NREP: variants seen among roughly 807,000 people sequenced by gnomAD.
NREP encodes the protein neuronal regeneration-related protein.
A neutral mutation model predicts 8.6 loss-of-function variants in NREP; 5 were observed. The observed-to-expected ratio is 0.58, with a 90% confidence interval of 0.30 to 1.22. The LOEUF (loss-of-function observed/expected upper bound fraction) is 1.22, where lower values mean the gene tolerates loss of function less well. NREP is among the 50% of genes most tolerant of loss of function. The pLI is 0.07. For missense variants in NREP, 86 were observed against 82.5 expected, an observed-to-expected ratio of 1.04 and a Z score of -0.17; for synonymous variants, 27 against 28.0, an observed-to-expected ratio of 0.96 and a Z score of 0.11.
chr5:111,955,040 T>C (rs1383868732), intron 2 of NREP, among the ~76,000 whole-genome samples: 3 of 152,180 alleles, frequency 2.0e-5, no homozygotes, highest in Non-Finnish European at 4.4e-5. Flanking sequence ...AATTTTCTAG[T>C]GGGCCTGGTT....
intron 2 of NREP, among the ~76,000 whole-genome samples, chr5:111,871,419 C>G (rs1753788204): frequency 6.6e-6 from 1 of 152,116 alleles, no homozygotes; most frequent in African/African-American, 2.4e-5. Context: ...CTGGGTGAGT[C>G]AGTGAGTGAG....
upstream of NREP, chr5:111,757,754 A>AT (rs201898038): frequency 0.03 from 29,542 of 982,944 alleles, 534 homozygotes; most frequent in Middle Eastern, 0.033. Flanking sequence ...GCGCGCGCAA[A>AT]TCCCCGGCCT....
At chr5:111,852,274 T>C (rs1753328734) in intron 2 of NREP, among the ~76,000 whole-genome samples, 1 of 116,794 alleles carries the variant, frequency 8.6e-6, no homozygotes, top group Non-Finnish European at 2.3e-5. Context: ...TTCACATGTA[T>C]AGTCTATTTT....
intron 2 of NREP, among the ~76,000 whole-genome samples, chr5:111,943,532 A>G (rs910460351): frequency 2.6e-5 from 4 of 152,084 alleles, no homozygotes; most frequent in African/African-American, 4.8e-5. Flanking sequence ...ATGGGCACTG[A>G]AATCTCAACT....
chr5:111,729,450 C>T lies in NREP; in HGVS notation c.*1471G>A, dbSNP rs1748355968. On this transcript the variant is annotated 3_prime_UTR_variant, in exon 4 of 4. Transcript: ENST00000257435. ...ACACAACTGCAACTCTACATAAATG[C>T]CACAGATGCAGAATACTGTTTTCTT... 2.0e-5 allele frequency: 3 copies of T among 152,514 alleles called. No individual in the cohort carries two copies. The highest frequency in any genetic ancestry group is 2.0e-4 in the Admixed American group (3 of 15,282). 9.4% of individuals were successfully genotyped at this position (152,514 alleles called of 1,614,324 possible).
intron 2 of NREP, among the ~76,000 whole-genome samples, chr5:111,816,349 A>G (rs550526028): frequency 2.0e-5 from 3 of 152,274 alleles, no homozygotes; most frequent in African/African-American, 4.8e-5. Flanking sequence ...AGTAAATAAG[A>G]AGGTAAATAT....
intron 2 of NREP, among the ~76,000 whole-genome samples, chr5:111,968,079 G>T (rs1581259682): frequency 6.6e-6 from 1 of 151,936 alleles, no homozygotes; most frequent in East Asian, 1.9e-4. Context: ...CAAACAAAAA[G>T]GCTTTTCAAG....
intron 2 of NREP, among the ~76,000 whole-genome samples, chr5:111,747,045 T>C (rs1249922872): frequency 6.6e-6 from 1 of 152,148 alleles, no homozygotes; most frequent in Admixed American, 6.5e-5. Flanking sequence ...GAACAGACTT[T>C]GACATCATGG....
intron 2 of NREP, among the ~76,000 whole-genome samples, chr5:111,813,210 G>A (rs921763497): frequency 6.6e-6 from 1 of 152,152 alleles, no homozygotes; most frequent in African/African-American, 2.4e-5. Context: ...CCGTGGCAGA[G>A]CTGGCTTCTT....
intron 2 of NREP, among the ~76,000 whole-genome samples, chr5:111,801,226 G>A (rs1221581765): frequency 6.6e-6 from 1 of 152,158 alleles, no homozygotes; most frequent in African/African-American, 2.4e-5. Flanking sequence ...AGTAGAAAAG[G>A]GAAGGATGAG....
intron 2 of NREP, among the ~76,000 whole-genome samples, chr5:111,908,045 G>C (rs917123804): frequency 6.6e-6 from 1 of 152,064 alleles, no homozygotes; most frequent in African/African-American, 2.4e-5. Flanking sequence ...TTTGGAAAAT[G>C]AATGATGACT....
intron 2 of NREP, among the ~76,000 whole-genome samples, chr5:111,780,493 A>T (rs983697548): frequency 2.0e-5 from 3 of 152,164 alleles, no homozygotes; most frequent in Non-Finnish European, 2.9e-5. Context: ...TTTGGCTACA[A>T]TGTAAATCCC....
intron 2 of NREP, among the ~76,000 whole-genome samples, chr5:111,845,276 T>TA (rs1753133439): frequency 1.5e-5 from 1 of 68,072 alleles, no homozygotes; most frequent in South Asian, 5.7e-4. Context: ...ACTCAATGCA[T>TA]CTTTTTTTTT....
intron 2 of NREP, among the ~76,000 whole-genome samples, chr5:111,755,106 C>T (rs1750617198): frequency 6.6e-6 from 1 of 151,904 alleles, no homozygotes; most frequent in Non-Finnish European, 1.5e-5. Context: ...ATGTGTATTC[C>T]TTCTGTTTCC....
intron 2 of NREP, among the ~76,000 whole-genome samples, chr5:111,966,020 A>G (rs1756635185): frequency 6.6e-6 from 1 of 152,214 alleles, no homozygotes; most frequent in African/African-American, 2.4e-5. Context: ...TCCACAGATG[A>G]TGGTCAGTGA....
At position 111,897,806 on chromosome 5, in the gene NREP, T is replaced by C. The variant is rs1358967800; in HGVS notation, c.135+77468A>G. Among the ~76,000 whole-genome samples, 4 of 152,108 alleles carry C rather than the reference T, an allele frequency of 2.6e-5. No homozygotes were observed. In the East Asian group the frequency reaches 7.7e-4, roughly 29 times the overall value. ...ATTTTTTTACTAATTTTAAAACTTA[T>C]ATATGATATTGTGGAAAATAACATA... On this transcript the variant is annotated intron_variant, in intron 2 of 3. Transcript: ENST00000395634.
intron 2 of NREP, among the ~76,000 whole-genome samples, chr5:111,903,522 T>C (rs986651573): frequency 6.6e-6 from 1 of 152,156 alleles, no homozygotes; most frequent in Non-Finnish European, 1.5e-5. Flanking sequence ...CTGACTTTGG[T>C]AATTACATTT....
chr5:111,814,493 C>T (rs1012779654), intron 2 of NREP, among the ~76,000 whole-genome samples: 5 of 152,066 alleles, frequency 3.3e-5, no homozygotes, highest in Non-Finnish European at 5.9e-5. Flanking sequence ...TTTCTTTTTG[C>T]TTGATTTCTG....
chr5:111,775,115 T>G (rs1581108010), intron 2 of NREP, among the ~76,000 whole-genome samples: 1 of 152,172 alleles, frequency 6.6e-6, no homozygotes, highest in Admixed American at 6.6e-5. Flanking sequence ...GGCTTCTAAC[T>G]CCTGGGCTCA....
Sources: gnomAD v4.1 joint callset for allele counts (sites outside exome capture counted in the v4.1 genomes callset) on GRCh38, gnomAD v4.1.1 for gene constraint, MANE v1.5 for transcripts, NCBI Gene and HGNC (gene_info 2026-07-23, HGNC 2026-07-21) for gene names.